COL4A1: variants seen among roughly 807,000 people sequenced by gnomAD.
COL4A1 encodes the protein collagen type IV alpha 1 chain, also known as collagen alpha-1(IV) chain.
Under a neutral mutation model 216.6 loss-of-function variants are expected in COL4A1, and 40 were observed. The observed-to-expected ratio is 0.18, with a 90% CI of 0.14 to 0.24. The LOEUF is 0.24. Ranked by LOEUF, COL4A1 falls within the 10% of genes least tolerant of loss-of-function variation. The probability of loss-of-function intolerance (pLI) is 1.00; values close to 1 mark genes in which losing one functional copy is unlikely to be tolerated. For synonymous variants in COL4A1, 839 were observed against 810.7 expected (o/e 1.03, Z -0.59); for missense variants, 1,628 against 2,196.8 (o/e 0.74, Z 5.18).
chr13:110,278,460 T>C (rs1883505816), intron 1 of COL4A1, among the ~76,000 whole-genome samples: 1 of 152,218 alleles, frequency 6.6e-6, no homozygotes, highest in Admixed American at 6.5e-5. Context: ...CTGGACTCAC[T>C]AGAGAGGTTA....
rs556017498 is a variant in COL4A1, at chr13:110,156,592, C to T, written c.4641-1195G>A. Among the ~76,000 whole-genome samples, 3 of 152,230 alleles carry T rather than the reference C, an allele frequency of 2.0e-5. No homozygotes were observed. In the East Asian group the frequency reaches 5.8e-4, roughly 29 times the overall value. On this transcript the variant is annotated intron_variant, in intron 49 of 51. Coordinates refer to ENST00000375820, the MANE Select transcript of COL4A1 (RefSeq NM_001845.6). ...GATTCAGCTCAGCCTTGGGACTGCACCAGAAACACATTAAAACAGCACAGT... is the reference window on the plus strand; with the variant it reads ...GATTCAGCTCAGCCTTGGGACTGCATCAGAAACACATTAAAACAGCACAGT...
In COL4A1 at chr13:110,174,515, G is replaced by T; in HGVS notation, c.3337C>A (p.Leu1113Ile). Residue 1113 changes from leucine (L) to isoleucine (I), a missense_variant, in exon 39 of 52, where the codon CTA becomes ATA. By Grantham distance (5) the Leu-to-Ile change is conservative (BLOSUM62 2). Transcript: ENST00000375820. The part of the protein sequence containing the change: ...GSVGYPGSPG[L>I]PGEKGDKGLP... ...CCTTTGTCACCTTTTTCTCCAGGTAGCCCAGGACTTCCTAAAGAAAAAAAC... is the reference window on the plus strand; with the variant it reads ...CCTTTGTCACCTTTTTCTCCAGGTATCCCAGGACTTCCTAAAGAAAAAAAC... 1 of 1,614,118 alleles carries T rather than the reference G, an allele frequency of 6.2e-7. No homozygotes were observed. Among genetic ancestry groups the T allele is most frequent in the Non-Finnish European group, 8.5e-7 (1 of 1,180,024 alleles).
intron 51 of COL4A1, among the ~76,000 whole-genome samples, chr13:110,150,943 G>A (rs1163347234): frequency 2.0e-5 from 3 of 152,126 alleles, no homozygotes; most frequent in Non-Finnish European, 2.9e-5. Flanking sequence ...CCTAGACCTC[G>A]AAATACTTTT....
At chr13:110,219,947 T>C (rs1409653512) in intron 2 of COL4A1, among the ~76,000 whole-genome samples, 19 of 100,458 alleles carry the variant, frequency 1.9e-4, no homozygotes, top group African/African-American at 7.2e-4. Flanking sequence ...TGTGTGTATA[T>C]ATACACATAC....
chr13:110,171,506 A>G (rs1476545080), intron 41 of COL4A1, among the ~76,000 whole-genome samples: 2 of 152,244 alleles, frequency 1.3e-5, no homozygotes. Context: ...ATTAAAAAGT[A>G]ACAGCTTGTA....
At chr13:110,273,076 T>C (rs564516193) in intron 1 of COL4A1, among the ~76,000 whole-genome samples, 1 of 152,350 alleles carries the variant, frequency 6.6e-6, no homozygotes, top group Non-Finnish European at 1.5e-5. Flanking sequence ...AGAGAGTTTT[T>C]AGACAGTAAA....
chr13:110,152,552 C>T lies in COL4A1; in HGVS notation c.4756-46G>A, dbSNP rs766329078. On this transcript the variant is annotated intron_variant, in intron 50 of 51. Coordinates refer to ENST00000375820, the MANE Select transcript of COL4A1 (RefSeq NM_001845.6). The stretch of plus-strand genomic sequence containing the variant: ...GTGAGTCAGAGGTTCCCTCCCCAAA[C>T]ACCAGGAAAGAGATCGATCCTTCCC... 5.7e-6 allele frequency: 9 copies of T among 1,581,168 alleles called. No homozygotes were observed. The African/African-American group carries it at 1.2e-4, about 21-fold the overall frequency.
intron 1 of COL4A1, among the ~76,000 whole-genome samples, chr13:110,297,402 A>C (rs1884317757): frequency 6.7e-6 from 1 of 149,136 alleles, no homozygotes; most frequent in Non-Finnish European, 1.5e-5. Flanking sequence ...TGCGACCTTC[A>C]CAACACAATA....
intron 1 of COL4A1, among the ~76,000 whole-genome samples, chr13:110,303,555 T>C (rs984633504): frequency 9.9e-5 from 15 of 152,248 alleles, no homozygotes; most frequent in Non-Finnish European, 1.8e-4. Context: ...TGACCATGTC[T>C]TCTGTGTATA....
chr13:110,254,506 T>C (rs1283458808), intron 1 of COL4A1, among the ~76,000 whole-genome samples: 1 of 152,160 alleles, frequency 6.6e-6, no homozygotes, highest in Non-Finnish European at 1.5e-5. Flanking sequence ...TAAGGAGCCC[T>C]ACAGTTTGTA....
chr13:110,186,579 C>T (rs777262102), intron 25 of COL4A1, 26 bp from the exon 26 acceptor site: 12 of 1,613,410 alleles, frequency 7.4e-6, no homozygotes, highest in Non-Finnish European at 1.0e-5. Context: ...GAAAAAGACA[C>T]CGTTATCAGA....
At chr13:110,217,217 A>G (rs1880130886) in intron 2 of COL4A1, among the ~76,000 whole-genome samples, 1 of 152,270 alleles carries the variant, frequency 6.6e-6, no homozygotes, top group Non-Finnish European at 1.5e-5. Flanking sequence ...GGCGACCAGC[A>G]TGCAGTATGG....
Position 110,252,505 on chromosome 13 carries a change from ATG to A in COL4A1, c.85-9773_85-9772del, listed in dbSNP as rs1882139183. On this transcript the variant is annotated intron_variant, in intron 1 of 51. Transcript: ENST00000375820. ...TATATACGTATAATTATACGTATAT[ATG>A]TATTATATATACGTATAATTATACG... Among the ~76,000 whole-genome samples the A allele has an allele frequency of 1.1e-3, 5 of 4,596 alleles. No individual in the cohort carries two copies. In the Non-Finnish European group the frequency reaches 0.027, roughly 25 times the overall value. 3.0% of individuals were successfully genotyped at this position (4,596 alleles called of 152,430 possible).
intron 43 of COL4A1, among the ~76,000 whole-genome samples, chr13:110,167,597 C>T (rs1877405377): frequency 2.0e-5 from 3 of 152,324 alleles, no homozygotes; most frequent in Non-Finnish European, 4.4e-5. Flanking sequence ...CATCCAGCAC[C>T]AGCCAACGAG....
chr13:110,234,553 G>A (rs1881215757), intron 2 of COL4A1, among the ~76,000 whole-genome samples: 2 of 152,070 alleles, frequency 1.3e-5, no homozygotes, highest in Middle Eastern at 3.2e-3. Flanking sequence ...CTGTACTCCA[G>A]CCTGAGTGAC....
chr13:110,181,530 G>A, intron 28 of COL4A1, 141 bp from the exon 29 acceptor site: 1 of 864,562 alleles, frequency 1.2e-6, no homozygotes, highest in Middle Eastern at 3.3e-4. Context: ...TTCCGAGGTG[G>A]CTGGAAGAGG....
At chr13:110,248,817 C>G (rs1391025476) in intron 1 of COL4A1, among the ~76,000 whole-genome samples, 1 of 152,206 alleles carries the variant, frequency 6.6e-6, no homozygotes, top group African/African-American at 2.4e-5. Flanking sequence ...TTAAATTCCA[C>G]TTCATTCACA....
chr13:110,238,249 C>T (rs1881412185), intron 2 of COL4A1, among the ~76,000 whole-genome samples: 1 of 152,250 alleles, frequency 6.6e-6, no homozygotes, highest in Non-Finnish European at 1.5e-5. Context: ...GTTGTCACTA[C>T]TCACTAGAAA....
intron 31 of COL4A1, 72 bp downstream of exon 31, chr13:110,178,851 C>A: frequency 8.5e-7 from 1 of 1,170,850 alleles, no homozygotes; most frequent in Non-Finnish European, 1.3e-6. Flanking sequence ...TTATAGGGAC[C>A]CCGGCCTCAT....
Sources: gnomAD v4.1 joint callset for allele counts (sites outside exome capture counted in the v4.1 genomes callset) on GRCh38, gnomAD v4.1.1 for gene constraint, MANE v1.5 for transcripts, NCBI Gene and HGNC (gene_info 2026-07-23, HGNC 2026-07-21) for gene names.